OSBPL10: variants seen among roughly 807,000 people sequenced by gnomAD.
OSBPL10 encodes oxysterol-binding protein-related protein 10.
In OSBPL10, 49 loss-of-function variants were observed where a neutral mutation model predicts 81.7. The ratio of observed to expected loss-of-function variants is 0.60; its 90% CI spans 0.48 to 0.76. The LOEUF (loss-of-function observed/expected upper bound fraction) is 0.76. Ranked by LOEUF, OSBPL10 falls within the 30% of genes least tolerant of loss-of-function variation. The probability of loss-of-function intolerance (pLI) is 0.00; values close to 1 mark genes in which losing one functional copy is unlikely to be tolerated. For missense variants in OSBPL10, 923 were observed against 987.8 expected (o/e 0.93, Z 0.88); for synonymous variants, 419 against 383.6 (o/e 1.09, Z -1.08).
chr3:31,756,531 CTT>C (rs376929529), intron 4 of OSBPL10, among the ~76,000 whole-genome samples: 1 of 152,198 alleles, frequency 6.6e-6, no homozygotes, highest in East Asian at 1.9e-4. Flanking sequence ...TATTCTGACT[CTT>C]TTAATTTATA....
At chr3:31,756,625 A>G (rs1697897024) in intron 4 of OSBPL10, among the ~76,000 whole-genome samples, 1 of 152,250 alleles carries the variant, frequency 6.6e-6, no homozygotes. Flanking sequence ...TCACTTTAGA[A>G]TGTATCATCT....
chr3:31,983,846 A>G (rs1209100920), upstream of OSBPL10, among the ~76,000 whole-genome samples: 1 of 152,232 alleles, frequency 6.6e-6, no homozygotes, highest in Non-Finnish European at 1.5e-5. Flanking sequence ...AGTTGGCAAA[A>G]AGTATTTGAA....
chr3:31,742,228 G>T (rs929692389), intron 5 of OSBPL10, among the ~76,000 whole-genome samples: 8 of 152,166 alleles, frequency 5.3e-5, no homozygotes, highest in Admixed American at 2.0e-4. Flanking sequence ...CAAGTCTGAA[G>T]AGGTCTCCGG....
intron 1 of OSBPL10, among the ~76,000 whole-genome samples, chr3:31,881,476 T>A (rs1041269612): frequency 1.3e-5 from 2 of 152,144 alleles, no homozygotes; most frequent in African/African-American, 4.8e-5. Flanking sequence ...TATATTGCAC[T>A]ACACTCCTTT....
chr3:31,711,309 G>A (rs573172194), intron 6 of OSBPL10, among the ~76,000 whole-genome samples: 3 of 152,340 alleles, frequency 2.0e-5, no homozygotes, highest in Admixed American at 2.0e-4. Flanking sequence ...ATGGGTGGAG[G>A]TGGACGTAGA....
At chr3:31,755,955 C>T (rs566188914) in intron 4 of OSBPL10, among the ~76,000 whole-genome samples, 19 of 152,332 alleles carry the variant, frequency 1.2e-4, no homozygotes, top group African/African-American at 4.3e-4. Context: ...TGCCTTACCA[C>T]TCCCAATAGT....
chr3:32,052,128 TC>T (rs1699674455), intron 1 of OSBPL10, among the ~76,000 whole-genome samples: 1 of 151,656 alleles, frequency 6.6e-6, no homozygotes. Flanking sequence ...GCACCTGTGG[TC>T]CCAGCTACTT....
intron 3 of OSBPL10, among the ~76,000 whole-genome samples, chr3:31,840,891 C>CTTGTTG (rs201810752): frequency 1.8e-4 from 28 of 152,178 alleles, no homozygotes; most frequent in African/African-American, 4.6e-4. Context: ...AGTTAGGCTT[C>CTTGTTG]TTGTTGTTGT....
chr3:31,788,990 T>C (rs1220209471), intron 4 of OSBPL10, among the ~76,000 whole-genome samples: 1 of 152,108 alleles, frequency 6.6e-6, no homozygotes, highest in East Asian at 1.9e-4. Context: ...TTTTGTTTTT[T>C]GTTTTTGAGA....
chr3:31,746,112 C>T (rs1045488443), intron 5 of OSBPL10, among the ~76,000 whole-genome samples: 1 of 152,194 alleles, frequency 6.6e-6, no homozygotes, highest in Non-Finnish European at 1.5e-5. Context: ...TCACAAATAT[C>T]TTTATATCTG....
At chr3:31,891,506 C>T (rs78138065) in intron 1 of OSBPL10, among the ~76,000 whole-genome samples, 12,623 of 152,210 alleles carry the variant, frequency 0.083, 739 homozygotes, top group Admixed American at 0.18. Flanking sequence ...TCCATCCCAC[C>T]GTCTCTGTGC....
At chr3:31,774,176 AAAAG>A (rs1328889993) in intron 4 of OSBPL10, among the ~76,000 whole-genome samples, 2 of 139,630 alleles carry the variant, frequency 1.4e-5, no homozygotes, top group Non-Finnish European at 3.1e-5. Flanking sequence ...AAAAAAAAAA[AAAAG>A]AAAGACAGAC....
intron 1 of OSBPL10, among the ~76,000 whole-genome samples, chr3:32,054,526 C>CTTTTTTTTTTTTT (rs755489489): frequency 4.6e-5 from 4 of 86,624 alleles, no homozygotes; most frequent in Non-Finnish European, 8.0e-5. Flanking sequence ...TCAATGGTGG[C>CTTTTTTTTTTTTT]TTTTTTTTTT....
intron 5 of OSBPL10, among the ~76,000 whole-genome samples, chr3:31,747,340 G>A (rs1369118249): frequency 6.6e-6 from 1 of 151,834 alleles, no homozygotes; most frequent in Non-Finnish European, 1.5e-5. Flanking sequence ...TGGGAGAATT[G>A]GCAAAATGTT....
intron 1 of OSBPL10, among the ~76,000 whole-genome samples, chr3:31,907,495 C>T (rs1402766560): frequency 6.6e-6 from 1 of 151,348 alleles, no homozygotes; most frequent in Non-Finnish European, 1.5e-5. Context: ...GGCATGGTGG[C>T]GGGCATCTAT....
At chr3:32,050,586 T>G (rs1250423997) in intron 1 of OSBPL10, among the ~76,000 whole-genome samples, 1 of 152,210 alleles carries the variant, frequency 6.6e-6, no homozygotes, top group East Asian at 1.9e-4. Flanking sequence ...GGGAGATTAC[T>G]TTTGGTAAAG....
chr3:31,947,856 G>C (rs1402115597), intron 1 of OSBPL10, among the ~76,000 whole-genome samples: 1 of 151,208 alleles, frequency 6.6e-6, no homozygotes, highest in African/African-American at 2.5e-5. Flanking sequence ...ACTGGAAGAA[G>C]GTGAGGGAAA....
At chr3:31,723,081 T>C (rs1231134033) in intron 6 of OSBPL10, among the ~76,000 whole-genome samples, 1 of 152,232 alleles carries the variant, frequency 6.6e-6, no homozygotes, top group Non-Finnish European at 1.5e-5. Flanking sequence ...CATGGCTGTA[T>C]GTCCACCACT....
At chr3:31,981,462 G>T (rs1698842482), upstream of OSBPL10, among the ~76,000 whole-genome samples, 1 of 152,164 alleles carries the variant, frequency 6.6e-6, no homozygotes, top group Non-Finnish European at 1.5e-5. This position sits in a 1 kb window ranked among gnomAD's most constrained non-coding sequence, Gnocchi z 4.5. Flanking sequence ...GCGGGTGGCC[G>T]GCTAGGCGAG....
Sources: allele counts gnomAD v4.1 joint callset (sites outside exome capture counted in the v4.1 genomes callset), GRCh38; gene constraint gnomAD v4.1.1; non-coding constraint Gnocchi (gnomAD v3.1); transcripts MANE v1.5; gene names NCBI Gene and HGNC (gene_info 2026-07-23, HGNC 2026-07-21).